RTN4: variants seen among roughly 807,000 people sequenced by gnomAD.
RTN4 encodes the protein reticulon-4.
RTN4 carries 32 observed loss-of-function variants against 90.4 expected under a neutral mutation model. That is an observed-to-expected ratio of 0.35 (90% confidence interval 0.27 to 0.48). The LOEUF (loss-of-function observed/expected upper bound fraction) is 0.48. RTN4 is among the 20% of genes least tolerant of loss of function. The pLI is 0.99. For synonymous variants in RTN4, 629 were observed against 552.5 expected, an observed-to-expected ratio of 1.14 and a Z score of -1.94; for missense variants, 1,706 against 1,430.2, an observed-to-expected ratio of 1.19 and a Z score of -3.11.
chr2:55,027,556 G>C (rs1475160504), intron 2 of RTN4, 71 bp from the exon 3 acceptor site: 8 of 1,462,644 alleles, frequency 5.5e-6, no homozygotes, highest in Non-Finnish European at 7.4e-6. Flanking sequence ...TTTTATGACA[G>C]ATCCAAAATA....
chr2:54,982,651 G>A lies in RTN4; in HGVS notation c.3224C>T (p.Ala1075Val). 6.2e-7 allele frequency: 1 copy of A among 1,602,896 alleles called. No homozygotes were observed. Among genetic ancestry groups the A allele is most frequent in the Non-Finnish European group, 8.5e-7 (1 of 1,176,140 alleles). ...TATAGCAACTTCAGATTCCAGATAT[G>A]CCCTAGAAAACAAAACACATCATAA... ...QKSDEGHPFR[A>V]YLESEVAISE... is the part of the protein sequence containing the mutation. Residue 1075 changes from alanine (A) to valine (V), a missense_variant and splice_region_variant, in exon 5 of 9, where the codon GCA becomes GTA. Ala to Val is a moderately conservative substitution (Grantham distance 64). Coordinates refer to ENST00000337526, the MANE Select transcript of RTN4 (RefSeq NM_020532.5).
Position 54,997,753 on chromosome 2 carries a change from G to A in RTN4, c.3014-10055C>T, listed in dbSNP as rs1037826882. Among the ~76,000 whole-genome samples, 9 of 152,148 alleles carry A rather than the reference G, an allele frequency of 5.9e-5. 1 individual carries two copies. The highest frequency in any genetic ancestry group is 2.6e-4 in the Admixed American group (4 of 15,276). On this transcript the variant is annotated intron_variant, in intron 3 of 8. Coordinates refer to ENST00000337526, the MANE Select transcript of RTN4 (RefSeq NM_020532.5). ...TTAGAGTTTCCTGCAGTCAACCACA[G>A]TTAAAAATTAGGTGAGTATAGTACA...
intron 3 of RTN4, among the ~76,000 whole-genome samples, chr2:55,011,112 G>A (rs1680597372): frequency 6.6e-6 from 1 of 152,046 alleles, no homozygotes; most frequent in South Asian, 2.1e-4. Context: ...TGGTCACATG[G>A]CAACCTCAAC....
chr2:54,990,528 T>C (rs988803474), intron 3 of RTN4, among the ~76,000 whole-genome samples: 20 of 152,334 alleles, frequency 1.3e-4, no homozygotes, highest in African/African-American at 4.6e-4. Context: ...TCAGTGCTAT[T>C]TGTTGCTGTT....
the RTN4 span, among the ~76,000 whole-genome samples, chr2:55,135,216 T>G: frequency 1.3e-5 from 2 of 150,238 alleles, no homozygotes; most frequent in Non-Finnish European, 3.0e-5. Flanking sequence ...TGGTTTTTTT[T>G]TTTTTTTTTG....
At chr2:55,052,909 G>A (rs934478658), upstream of RTN4, among the ~76,000 whole-genome samples, 4 of 152,068 alleles carry the variant, frequency 2.6e-5, no homozygotes, top group African/African-American at 4.8e-5. Flanking sequence ...CAGGACTTAC[G>A]TTATTTGCAA....
At chr2:55,036,564 T>C (rs536550036) in intron 1 of RTN4, among the ~76,000 whole-genome samples, 106 of 123,286 alleles carry the variant, frequency 8.6e-4, no homozygotes, top group African/African-American at 3.4e-3. Flanking sequence ...ATCGTGCCAC[T>C]GCACTCCAGC....
chr2:55,070,545 C>CAAAAAAA (rs747838297), intron 2 of RTN4, among the ~76,000 whole-genome samples: 10 of 67,310 alleles, frequency 1.5e-4, no homozygotes, highest in Admixed American at 3.9e-4. Flanking sequence ...GACTCTGTCT[C>CAAAAAAA]AAAAAAAAAA....
At chr2:55,032,544 A>G (rs7585495) in intron 1 of RTN4, among the ~76,000 whole-genome samples, 8,752 of 152,228 alleles carry the variant, frequency 0.057, 782 homozygotes, top group African/African-American at 0.19. Flanking sequence ...AATAATCACT[A>G]GATGAGCTTA....
intron 3 of RTN4, among the ~76,000 whole-genome samples, chr2:54,999,302 A>T (rs1679682825): frequency 6.6e-6 from 1 of 152,204 alleles, no homozygotes; most frequent in Non-Finnish European, 1.5e-5. Context: ...TACATTTGGT[A>T]ATCACAAACT....
chr2:55,061,877 C>G (rs570014718), intron 2 of RTN4, among the ~76,000 whole-genome samples: 1 of 152,230 alleles, frequency 6.6e-6, no homozygotes, highest in South Asian at 2.1e-4. Context: ...TCCCAAGACC[C>G]CCTTGGCCTG....
At chr2:55,010,984 T>C (rs1680588843) in intron 3 of RTN4, among the ~76,000 whole-genome samples, 1 of 152,204 alleles carries the variant, frequency 6.6e-6, no homozygotes, top group South Asian at 2.1e-4. Context: ...GGGCTAATGA[T>C]ATAATCTGCC....
chr2:54,993,862 T>A lies in RTN4; in HGVS notation c.3014-6164A>T, dbSNP rs1321459675. 3.9e-5 allele frequency among the ~76,000 whole-genome samples: 6 copies of A among 152,294 alleles called. No homozygotes were observed. In the South Asian group the frequency reaches 8.3e-4, roughly 21 times the overall value. ...TAGAATAGGAACACCTGAGAGGCAA[T>A]CTACACTGCCACCAACCCCACTGTG... On this transcript the variant is annotated intron_variant, in intron 3 of 8. Transcript: ENST00000337526.
At chr2:55,039,672 C>T (rs543898945) in intron 1 of RTN4, among the ~76,000 whole-genome samples, 21 of 151,874 alleles carry the variant, frequency 1.4e-4, no homozygotes, top group Non-Finnish European at 2.6e-4. Flanking sequence ...CACAGCTACT[C>T]GGAGACTGAG....
intron 3 of RTN4, among the ~76,000 whole-genome samples, chr2:54,989,639 T>C (rs1573311299): frequency 6.6e-6 from 1 of 152,224 alleles, no homozygotes; most frequent in South Asian, 2.1e-4. Context: ...TTCTGATTCT[T>C]GAAGGTCTTG....
chr2:54,984,270 G>A (rs1351773044), intron 4 of RTN4, among the ~76,000 whole-genome samples: 1 of 152,036 alleles, frequency 6.6e-6, no homozygotes, highest in Non-Finnish European at 1.5e-5. Flanking sequence ...CTGAAATATA[G>A]ACACATGTAT....
At chr2:55,001,220 C>T (rs1679831462) in intron 3 of RTN4, among the ~76,000 whole-genome samples, 1 of 152,074 alleles carries the variant, frequency 6.6e-6, no homozygotes. Context: ...AATCCTACAC[C>T]CAGGATAGAA....
chr2:55,088,257 G>A (rs576177868), intron 1 of RTN4, among the ~76,000 whole-genome samples: 15 of 152,336 alleles, frequency 9.8e-5, no homozygotes, highest in South Asian at 2.1e-4. Flanking sequence ...ATTCATGGAC[G>A]TAGGGAAGGA....
chr2:55,034,506 C>G (rs531462847), intron 1 of RTN4, among the ~76,000 whole-genome samples: 1 of 151,880 alleles, frequency 6.6e-6, no homozygotes, highest in Non-Finnish European at 1.5e-5. Context: ...TATCTCTAAA[C>G]GAACAAACAA....
Sources: gnomAD v4.1 joint callset for allele counts (sites outside exome capture counted in the v4.1 genomes callset) on GRCh38, gnomAD v4.1.1 for gene constraint, MANE v1.5 for transcripts, NCBI Gene and HGNC (gene_info 2026-07-23, HGNC 2026-07-21) for gene names.